The following HERC4 variants were observed in gnomAD, a reference collection of about 807,000 sequenced individuals.
HERC4 encodes HECT and RLD domain containing E3 ubiquitin protein ligase 4, also known as probable E3 ubiquitin-protein ligase HERC4.
A neutral mutation model predicts 124.3 loss-of-function variants in HERC4; 28 were observed. The observed-to-expected ratio is 0.23, with a 90% CI of 0.17 to 0.31. The LOEUF (loss-of-function observed/expected upper bound fraction) is 0.31. Ranked by LOEUF, HERC4 falls within the 10% of genes least tolerant of loss-of-function variation. The pLI, the probability that HERC4 is intolerant of heterozygous loss-of-function variation, is 1.00. For missense variants in HERC4, 713 were observed against 1,229.3 expected (o/e 0.58, Z 6.28); for synonymous variants, 407 against 421.5 (o/e 0.97, Z 0.42).
At chr10:67,946,696 CA>C (rs1028027071) in intron 19 of HERC4, among the ~76,000 whole-genome samples, 1 of 152,064 alleles carries the variant, frequency 6.6e-6, no homozygotes, top group Non-Finnish European at 1.5e-5. Flanking sequence ...ATCATGAGGT[CA>C]AGAGATCGAG....
intron 3 of HERC4, among the ~76,000 whole-genome samples, chr10:68,072,527 C>T (rs1007298088): frequency 2.0e-5 from 3 of 152,028 alleles, no homozygotes; most frequent in Non-Finnish European, 4.4e-5. Context: ...AAGGTAAACA[C>T]AGAGTAAATT....
At chr10:68,064,574 AAAAG>A (rs1248681197) in intron 3 of HERC4, among the ~76,000 whole-genome samples, 14 of 151,636 alleles carry the variant, frequency 9.2e-5, no homozygotes, top group Non-Finnish European at 1.9e-4. Context: ...AAAAAAAAAA[AAAAG>A]AGAGAGAGAG....
intron 11 of HERC4, among the ~76,000 whole-genome samples, chr10:67,991,905 A>AT (rs995295783): frequency 6.0e-5 from 9 of 150,736 alleles, no homozygotes; most frequent in Admixed American, 1.3e-4. Flanking sequence ...ATCCATGGAT[A>AT]TTTTTTTTTG....
chr10:68,061,531 T>TAAAAAAA, intron 3 of HERC4, among the ~76,000 whole-genome samples: 1 of 26,134 alleles, frequency 3.8e-5, no homozygotes, highest in East Asian at 5.1e-3. Flanking sequence ...AGACTCCGTC[T>TAAAAAAA]CAAAAAAAAA....
chr10:68,021,060 T>C (rs2038594800), intron 8 of HERC4, among the ~76,000 whole-genome samples: 2 of 151,986 alleles, frequency 1.3e-5, no homozygotes, highest in Admixed American at 1.3e-4. Context: ...CTCCCAAATA[T>C]GGGGAAAGAC....
chr10:67,969,577 T>G (rs2035105197), intron 15 of HERC4, among the ~76,000 whole-genome samples: 1 of 152,236 alleles, frequency 6.6e-6, no homozygotes, highest in African/African-American at 2.4e-5. Context: ...CCCAGATCCT[T>G]CTTTCACACA....
At chr10:67,967,621 A>G (rs1392363874) in intron 15 of HERC4, among the ~76,000 whole-genome samples, 1 of 152,240 alleles carries the variant, frequency 6.6e-6, no homozygotes, top group African/African-American at 2.4e-5. Flanking sequence ...AGTGGAGAGC[A>G]CCATCTTCAT....
chr10:67,982,185 C>T (rs557932807), intron 15 of HERC4, among the ~76,000 whole-genome samples: 8 of 152,074 alleles, frequency 5.3e-5, no homozygotes, highest in African/African-American at 1.9e-4. Flanking sequence ...AACAAAACTG[C>T]GAGGAATCAT....
At chr10:68,049,302 A>G (rs2040167575) in intron 3 of HERC4, among the ~76,000 whole-genome samples, 1 of 152,156 alleles carries the variant, frequency 6.6e-6, no homozygotes, top group African/African-American at 2.4e-5. Context: ...ATGATTTGCT[A>G]TTTTTTGTGT....
At chr10:67,943,423 A>G (rs2033080295) in intron 19 of HERC4, among the ~76,000 whole-genome samples, 2 of 152,256 alleles carry the variant, frequency 1.3e-5, no homozygotes, top group African/African-American at 4.8e-5. Flanking sequence ...CTGAATTGGT[A>G]AAGCAGAAAA....
At chr10:67,926,432 C>CAAA (rs2030973453) in intron 23 of HERC4, among the ~76,000 whole-genome samples, 4 of 149,892 alleles carry the variant, frequency 2.7e-5, no homozygotes, top group South Asian at 2.1e-4. Flanking sequence ...AAAAAAAAAA[C>CAAA]AAAAAAATTA....
At chr10:68,070,139 C>G in intron 3 of HERC4, 1 of 984,776 alleles carries the variant, frequency 1.0e-6, no homozygotes, top group Non-Finnish European at 1.2e-6. Flanking sequence ...TGCTCAATTA[C>G]CAGAAGACTT....
intron 5 of HERC4, among the ~76,000 whole-genome samples, chr10:68,037,045 T>C (rs1414166019): frequency 6.6e-6 from 1 of 151,516 alleles, no homozygotes; most frequent in East Asian, 1.9e-4. Context: ...CTTCACTAAA[T>C]AGTAACACTA....
chr10:68,068,952 T>G (rs2041436234), intron 3 of HERC4: 1 of 629,890 alleles, frequency 1.6e-6, no homozygotes, highest in Non-Finnish European at 2.0e-6. Flanking sequence ...AGATACTCCA[T>G]TTGAAAGAAT....
chr10:67,947,939 T>A (rs1035728223), intron 19 of HERC4, among the ~76,000 whole-genome samples: 1 of 134,680 alleles, frequency 7.4e-6, no homozygotes, highest in Non-Finnish European at 1.6e-5. Flanking sequence ...TCTGCCCACC[T>A]TGGCCTCCCA....
chr10:68,017,381 G>A (rs896328081), intron 8 of HERC4, among the ~76,000 whole-genome samples: 3 of 152,156 alleles, frequency 2.0e-5, no homozygotes, highest in Non-Finnish European at 2.9e-5. Flanking sequence ...TGGCTTTACT[G>A]AACCACAGAG....
In HERC4 at chr10:67,955,118, G is replaced by C; in HGVS notation, c.2038C>G (p.Gln680Glu). The C allele has an allele frequency of 6.3e-7, 1 of 1,575,644 alleles. No individual in the cohort carries two copies. Among genetic ancestry groups the C allele is most frequent in the Non-Finnish European group, 8.6e-7 (1 of 1,166,326 alleles). The change falls in exon 18 of 25, where the codon CAG becomes GAG. Residue 680 changes from glutamine (Q) to glutamate (E), a missense_variant. Physicochemically the swap from Gln to Glu is conservative, Grantham distance 29. Coordinates refer to ENST00000373700, the MANE Select transcript of HERC4 (RefSeq NM_015601.4). ...GAGGAGACATTCTGCCTGTGGGCCT[G>C]ATCAATAGCCATCTGGAAAACAAAA... ...AVLQMQMAID[Q>E]AHRQNVSSLF...
chr10:68,072,489 G>A (rs56078104), intron 3 of HERC4, among the ~76,000 whole-genome samples: 11,070 of 152,050 alleles, frequency 0.073, 1,015 homozygotes, highest in African/African-American at 0.22. Flanking sequence ...AAAAGCTTCC[G>A]TCTTGTTTTC....
intron 9 of HERC4, among the ~76,000 whole-genome samples, chr10:68,003,306 C>A (rs141514843): frequency 6.7e-6 from 1 of 150,164 alleles, no homozygotes; most frequent in South Asian, 2.1e-4. Flanking sequence ...GGCCTGCAGG[C>A]GCCTGCCACC....
Sources: gnomAD v4.1 joint callset for allele counts (sites outside exome capture counted in the v4.1 genomes callset) on GRCh38, gnomAD v4.1.1 for gene constraint, MANE v1.5 for transcripts, NCBI Gene and HGNC (gene_info 2026-07-23, HGNC 2026-07-21) for gene names.